NAALADL2: variants seen among roughly 807,000 people sequenced by gnomAD.
The protein encoded by NAALADL2 is inactive N-acetylated-alpha-linked acidic dipeptidase-like protein 2.
NAALADL2 carries 76 observed loss-of-function variants against 87.2 expected under a neutral mutation model. The observed-to-expected ratio is 0.87, with a 90% CI of 0.72 to 1.05. The LOEUF is 1.05. NAALADL2 is among the 50% of genes least tolerant of loss of function. The pLI is 0.00. For synonymous variants in NAALADL2, 354 were observed against 331.0 expected (o/e 1.07, Z -0.75); for missense variants, 1,089 against 945.8 (o/e 1.15, Z -1.99).
intron 11 of NAALADL2, among the ~76,000 whole-genome samples, chr3:175,665,270 C>A (rs1480338846): frequency 3.3e-5 from 5 of 152,174 alleles, no homozygotes; most frequent in Non-Finnish European, 7.4e-5. Context: ...TATTTGTCAA[C>A]ATCTAAACAT....
At chr3:175,164,799 AACC>A (rs1248001090) in intron 2 of NAALADL2, among the ~76,000 whole-genome samples, 2 of 152,168 alleles carry the variant, frequency 1.3e-5, no homozygotes, top group Non-Finnish European at 2.9e-5. Context: ...AGACTTTGAA[AACC>A]ACAATAAGCA....
chr3:174,743,753 T>C (rs1193247079), intron 3 of NAALADL2, among the ~76,000 whole-genome samples: 2 of 151,912 alleles, frequency 1.3e-5, no homozygotes, highest in Non-Finnish European at 2.9e-5. Flanking sequence ...TGACACCTTT[T>C]CTACAGCCAG....
intron 6 of NAALADL2, among the ~76,000 whole-genome samples, chr3:175,461,207 A>G (rs983961821): frequency 4.0e-5 from 6 of 150,076 alleles, no homozygotes; most frequent in Admixed American, 3.3e-4. Flanking sequence ...TTTACAGAGT[A>G]CTGATTGGTG....
At chr3:175,078,417 T>G (rs537839380) in intron 1 of NAALADL2, among the ~76,000 whole-genome samples, 142 of 152,048 alleles carry the variant, frequency 9.3e-4, no homozygotes, top group Non-Finnish European at 1.5e-3. Flanking sequence ...TTTTAAAAAA[T>G]TATTTAGATA....
chr3:175,505,897 C>T (rs1730242951), intron 9 of NAALADL2, among the ~76,000 whole-genome samples: 3 of 152,092 alleles, frequency 2.0e-5, no homozygotes, highest in Admixed American at 2.0e-4. Flanking sequence ...TTTAAAAAGC[C>T]TCTTGGCCTC....
intron 2 of NAALADL2, among the ~76,000 whole-genome samples, chr3:175,216,672 T>C (rs13067071): frequency 1.4e-5 from 2 of 142,886 alleles, no homozygotes; most frequent in African/African-American, 5.3e-5. Context: ...TCTTTTCTTT[T>C]TTTTTTTTTT....
At chr3:174,861,275 C>A (rs1726458028) in intron 1 of NAALADL2, among the ~76,000 whole-genome samples, 1 of 152,000 alleles carries the variant, frequency 6.6e-6, no homozygotes. Context: ...ACCTATTAAT[C>A]AAGTGAGGGT....
chr3:175,118,894 T>G (rs2065127083), intron 2 of NAALADL2, among the ~76,000 whole-genome samples: 1 of 151,754 alleles, frequency 6.6e-6, no homozygotes, highest in South Asian at 2.1e-4. Context: ...GCAAAGTATG[T>G]TGTTAATATG....
intron 6 of NAALADL2, among the ~76,000 whole-genome samples, chr3:175,449,596 T>C (rs1443599161): frequency 6.6e-6 from 1 of 151,990 alleles, no homozygotes; most frequent in African/African-American, 2.4e-5. Context: ...GGTCTCACCA[T>C]GTTAACCAGG....
intron 1 of NAALADL2, among the ~76,000 whole-genome samples, chr3:174,547,304 G>A (rs981737362): frequency 1.3e-5 from 2 of 152,076 alleles, no homozygotes; most frequent in African/African-American, 4.8e-5. Flanking sequence ...TTTTTAAGGG[G>A]AATGAAGAGG....
At chr3:175,275,140 G>A (rs1278633040) in intron 4 of NAALADL2, among the ~76,000 whole-genome samples, 2 of 152,174 alleles carry the variant, frequency 1.3e-5, no homozygotes, top group Non-Finnish European at 2.9e-5. Context: ...CTAGTATCAT[G>A]AGATAGCCAG....
intron 13 of NAALADL2, among the ~76,000 whole-genome samples, chr3:175,790,352 C>G (rs75024001): frequency 0.031 from 4,684 of 152,100 alleles, 241 homozygotes; most frequent in African/African-American, 0.11. Flanking sequence ...AAGATGATAC[C>G]TATTTGCCTT....
intron 1 of NAALADL2, among the ~76,000 whole-genome samples, chr3:175,065,217 G>C (rs561382057): frequency 6.6e-6 from 1 of 152,234 alleles, no homozygotes; most frequent in Non-Finnish European, 1.5e-5. Context: ...GCTGCTTGAT[G>C]GACCCACATT....
Position 175,467,331 on chromosome 3 carries a change from T to C in NAALADL2, c.1533+147T>C, listed in dbSNP as rs139152314. ...AATTTGCTGAGATGGCTTATAATAA[T>C]AATATGGAATTAGAGCTAGACCACA... On this transcript the variant is annotated intron_variant, in intron 8 of 13. Transcript: ENST00000454872. 103 of 642,022 alleles carry C rather than the reference T, an allele frequency of 1.6e-4. No individual in the cohort carries two copies. In the East Asian group the frequency reaches 2.7e-3, roughly 17 times the overall value. The allele number at this position is 642,022 out of a possible 1,614,324, so 39.8% of individuals were successfully genotyped here. A position where few individuals can be genotyped will look rare whatever the true frequency, so the allele number is the denominator to read the frequency against.
At chr3:175,120,490 CTGG>C (rs1725990962) in intron 2 of NAALADL2, among the ~76,000 whole-genome samples, 1 of 151,802 alleles carries the variant, frequency 6.6e-6, no homozygotes, top group Non-Finnish European at 1.5e-5. Flanking sequence ...TTCCACTAAA[CTGG>C]TGTTCATGCA....
chr3:175,353,770 A>G (rs1764044180), intron 5 of NAALADL2, among the ~76,000 whole-genome samples: 1 of 152,176 alleles, frequency 6.6e-6, no homozygotes, highest in Non-Finnish European at 1.5e-5. Flanking sequence ...AATACAGCAA[A>G]TTTTTCACTC....
At chr3:174,648,718 C>T (rs956206214) in intron 2 of NAALADL2, among the ~76,000 whole-genome samples, 5 of 151,832 alleles carry the variant, frequency 3.3e-5, no homozygotes, top group Admixed American at 2.0e-4. Context: ...TACTTGATGC[C>T]ACAAAGAGCT....
At chr3:174,706,596 C>G (rs1318309279) in intron 2 of NAALADL2, among the ~76,000 whole-genome samples, 1 of 152,148 alleles carries the variant, frequency 6.6e-6, no homozygotes, top group African/African-American at 2.4e-5. Flanking sequence ...TGCCTGTGCA[C>G]TCTGATGGTA....
chr3:175,791,006 G>A (rs1006307681), intron 13 of NAALADL2, among the ~76,000 whole-genome samples: 1 of 152,038 alleles, frequency 6.6e-6, no homozygotes, highest in African/African-American at 2.4e-5. Context: ...TAGGGAGCTG[G>A]GAAAAAATAC....
Sources: gnomAD v4.1 joint callset for allele counts (sites outside exome capture counted in the v4.1 genomes callset) on GRCh38, gnomAD v4.1.1 for gene constraint, MANE v1.5 for transcripts, NCBI Gene and HGNC (gene_info 2026-07-23, HGNC 2026-07-21) for gene names.